Variants in KLHL32 observed in about 807,000 individuals in gnomAD.
The protein encoded by KLHL32 is kelch-like protein 32.
A neutral mutation model predicts 64.8 loss-of-function variants in KLHL32; 35 were observed. The ratio of observed to expected loss-of-function variants is 0.54; its 90% CI spans 0.41 to 0.72. The LOEUF is 0.72. KLHL32 is among the 30% of genes least tolerant of loss of function. The pLI, the probability that KLHL32 is intolerant of heterozygous loss-of-function variation, is 0.00. For missense variants in KLHL32, 589 were observed against 768.5 expected (o/e 0.77, Z 2.76); for synonymous variants, 259 against 281.0 (o/e 0.92, Z 0.78).
chr6:97,098,761 C>A (rs1448262874), intron 6 of KLHL32, among the ~76,000 whole-genome samples: 1 of 152,128 alleles, frequency 6.6e-6, no homozygotes, highest in African/African-American at 2.4e-5. Flanking sequence ...CTGCAGTACA[C>A]CACAAATGAT....
intron 3 of KLHL32, among the ~76,000 whole-genome samples, chr6:97,004,807 C>T (rs1779458446): frequency 6.6e-6 from 1 of 152,134 alleles, no homozygotes; most frequent in Non-Finnish European, 1.5e-5. Flanking sequence ...ACCAACCTTG[C>T]TTCCCAAGGA....
intron 3 of KLHL32, among the ~76,000 whole-genome samples, chr6:97,024,749 A>G (rs896847657): frequency 6.6e-6 from 1 of 152,124 alleles, no homozygotes; most frequent in African/African-American, 2.4e-5. Flanking sequence ...AAACTGATTC[A>G]CATCTAGTAA....
At chr6:96,951,708 ATTAAG>A (rs1363539744) in intron 1 of KLHL32, among the ~76,000 whole-genome samples, 1 of 152,166 alleles carries the variant, frequency 6.6e-6, no homozygotes, top group Non-Finnish European at 1.5e-5. Flanking sequence ...AATTTAGCTA[ATTAAG>A]TTGTATACCT....
intron 3 of KLHL32, among the ~76,000 whole-genome samples, chr6:97,017,152 C>T (rs779847968): frequency 5.9e-5 from 9 of 151,832 alleles, no homozygotes; most frequent in East Asian, 1.9e-4. Context: ...ATTAGCATGA[C>T]GTTTTATAGA....
chr6:97,055,796 TAAAAAAAAA>T (rs750242567), intron 4 of KLHL32, among the ~76,000 whole-genome samples: 1,095 of 81,022 alleles, frequency 0.014, 113 homozygotes, highest in Middle Eastern at 0.045. Context: ...AGAACCTGTC[TAAAAAAAAA>T]AAAAAAAAAA....
chr6:96,919,597 G>A, the KLHL32 span, among the ~76,000 whole-genome samples: 2 of 151,836 alleles, frequency 1.3e-5, no homozygotes, highest in African/African-American at 4.8e-5. Flanking sequence ...TTTTTTTTCT[G>A]ACTGTGATGC....
intron 7 of KLHL32, among the ~76,000 whole-genome samples, chr6:97,120,714 A>T (rs1314582892): frequency 2.6e-5 from 4 of 152,140 alleles, no homozygotes; most frequent in Admixed American, 6.5e-5. Context: ...TTGTCCCTGG[A>T]GGCGGCCATG....
At chr6:96,969,333 C>T (rs974573007) in intron 2 of KLHL32, among the ~76,000 whole-genome samples, 1 of 152,184 alleles carries the variant, frequency 6.6e-6, no homozygotes, top group South Asian at 2.1e-4. Flanking sequence ...TATGGTTGTA[C>T]TTTGACCTCA....
At chr6:97,088,485 G>C (rs1487432631) in intron 6 of KLHL32, among the ~76,000 whole-genome samples, 1 of 152,114 alleles carries the variant, frequency 6.6e-6, no homozygotes, top group Non-Finnish European at 1.5e-5. Flanking sequence ...GTTAGATTTT[G>C]CATATATTTT....
chr6:97,052,091 G>A (rs1787007022), intron 4 of KLHL32, among the ~76,000 whole-genome samples: 1 of 152,166 alleles, frequency 6.6e-6, no homozygotes, highest in South Asian at 2.1e-4. Flanking sequence ...AGCACCAATA[G>A]AATTTCCTAA....
the KLHL32 span, among the ~76,000 whole-genome samples, chr6:96,902,254 TG>T: frequency 2.0e-5 from 3 of 151,254 alleles, no homozygotes; most frequent in African/African-American, 7.3e-5. Flanking sequence ...CATCTGTTTT[TG>T]TTTTTGTTTT....
At chr6:96,904,692 T>C in the KLHL32 span, among the ~76,000 whole-genome samples, 9 of 152,156 alleles carry the variant, frequency 5.9e-5, no homozygotes, top group Admixed American at 5.2e-4. Flanking sequence ...GAATAGCCAA[T>C]AGATTTTAGA....
At chr6:96,951,128 A>T (rs1772525853) in intron 1 of KLHL32, among the ~76,000 whole-genome samples, 1 of 149,838 alleles carries the variant, frequency 6.7e-6, no homozygotes, top group Admixed American at 6.7e-5. Context: ...TTTTATTATT[A>T]ATAATGGAAA....
chr6:97,068,381 T>C (rs1790151333), intron 5 of KLHL32, among the ~76,000 whole-genome samples: 1 of 152,180 alleles, frequency 6.6e-6, no homozygotes, highest in Non-Finnish European at 1.5e-5. Context: ...TTGATAGGAA[T>C]ATAGGTTTAA....
chr6:97,073,527 A>G (rs1415437463), intron 5 of KLHL32, among the ~76,000 whole-genome samples: 1 of 152,132 alleles, frequency 6.6e-6, no homozygotes, highest in Non-Finnish European at 1.5e-5. Context: ...ATCTTTCTCC[A>G]TCCTGGTATA....
At chr6:97,052,926 G>A (rs1033717196) in intron 4 of KLHL32, among the ~76,000 whole-genome samples, 1 of 152,092 alleles carries the variant, frequency 6.6e-6, no homozygotes, top group Admixed American at 6.6e-5. Context: ...AATGTCTGCT[G>A]GGAAATTTCC....
intron 1 of KLHL32, among the ~76,000 whole-genome samples, chr6:96,929,278 A>G (rs1456249203): frequency 6.6e-6 from 1 of 152,222 alleles, no homozygotes; most frequent in Non-Finnish European, 1.5e-5. Flanking sequence ...AGCCAATATG[A>G]TGATTTGCTC....
chr6:97,078,923 C>T (rs776270939), intron 5 of KLHL32, among the ~76,000 whole-genome samples: 53 of 152,308 alleles, frequency 3.5e-4, no homozygotes, highest in Admixed American at 1.7e-3. Flanking sequence ...CAGGGAGCCA[C>T]GGCGGTAGCC....
chr6:96,971,000 A>G (rs1207344514), intron 2 of KLHL32, among the ~76,000 whole-genome samples: 1 of 151,890 alleles, frequency 6.6e-6, no homozygotes, highest in Non-Finnish European at 1.5e-5. Context: ...GACTGAATTG[A>G]GATAATTATG....
Sources: allele counts gnomAD v4.1 joint callset (sites outside exome capture counted in the v4.1 genomes callset), GRCh38; gene constraint gnomAD v4.1.1; transcripts MANE v1.5; gene names NCBI Gene and HGNC (gene_info 2026-07-23, HGNC 2026-07-21).